The following BRCA1 variants were observed in gnomAD, a reference collection of about 807,000 sequenced individuals.
BRCA1 encodes BRCA1 DNA repair associated, also known as breast cancer type 1 susceptibility protein.
BRCA1 carries 140 observed loss-of-function variants against 173.7 expected under a neutral mutation model. The ratio of observed to expected loss-of-function variants is 0.81; its 90% CI spans 0.70 to 0.93. The LOEUF (loss-of-function observed/expected upper bound fraction) is 0.93, where lower values mean the gene tolerates loss of function less well. BRCA1 is among the 40% of genes least tolerant of loss of function. BRCA1 has a pLI of 0.00. For synonymous variants in BRCA1, 662 were observed against 756.0 expected (o/e 0.88, Z 2.04); for missense variants, 1,983 against 2,172.5 (o/e 0.91, Z 1.73).
chr17:43,163,086 T>C (rs564723173), intron 1 of BRCA1: 7 of 152,240 alleles, frequency 4.6e-5, no homozygotes, highest in Admixed American at 4.6e-4. Context: ...TTGGTAGTCA[T>C]TAAAGTTACC....
chr17:43,089,613 T>C (rs920361080), intron 11 of BRCA1, among the ~76,000 whole-genome samples: 1 of 151,052 alleles, frequency 6.6e-6, no homozygotes. Flanking sequence ...AGCAGCATGA[T>C]CTCAGCTCAC....
intron 1 of BRCA1, among the ~76,000 whole-genome samples, chr17:43,151,641 AC>A (rs2056162568): frequency 6.6e-6 from 1 of 152,078 alleles, no homozygotes; most frequent in South Asian, 2.1e-4. Context: ...TGTAATCCCA[AC>A]ATTTTGGGAG....
chr17:43,139,859 A>G (rs1205065103), intron 1 of BRCA1: 1 of 469,592 alleles, frequency 2.1e-6, no homozygotes, highest in South Asian at 1.5e-5. Context: ...TGTTCCTACA[A>G]AAGAGATGAT....
At position 43,057,078 on chromosome 17, in the gene BRCA1, G is replaced by A. The variant is rs80357123; in HGVS notation, c.5251C>T (p.Arg1751Ter). Residue 1751 changes from arginine (R) to a stop codon, truncating the protein, a stop_gained, in exon 19 of 23, where the codon CGA (arginine) becomes TGA (stop). Coordinates refer to ENST00000357654, the MANE Select transcript of BRCA1 (RefSeq NM_007294.4). LOFTEE classifies it high-confidence loss of function. ...TTTCTGTCCTGGGATTCTCTTGCTC[G>A]CTTTGGACCTTGGTGGTTTCTTCCA... is the stretch of plus-strand genomic sequence containing the variant. ...VNGRNHQGPK[R>*]ARESQDRKIF... The A allele has an allele frequency of 3.7e-6, 6 of 1,613,918 alleles. No homozygotes were observed. Among genetic ancestry groups the A allele is most frequent in the East Asian group, 2.2e-5 (1 of 44,888 alleles).
At chr17:43,079,428 A>G in intron 12 of BRCA1, 1 of 1,557,092 alleles carries the variant, frequency 6.4e-7, no homozygotes, top group Non-Finnish European at 8.8e-7. Context: ...TGTAGACATC[A>G]AGGGAACGGG....
intron 6 of BRCA1, among the ~76,000 whole-genome samples, chr17:43,103,292 C>A (rs2054571887): frequency 1.3e-5 from 2 of 151,796 alleles, no homozygotes; most frequent in South Asian, 4.2e-4. Context: ...TATGGTGAAA[C>A]CCCGACTCTA....
At chr17:43,130,076 AAC>A (rs1203251157), upstream of BRCA1, among the ~76,000 whole-genome samples, 1 of 152,252 alleles carries the variant, frequency 6.6e-6, no homozygotes, top group East Asian at 1.9e-4. Flanking sequence ...TCCTTAAAAT[AAC>A]AGTCTTAATT....
rs181739821 is a variant in BRCA1, at chr17:43,144,550, G to C, written c.-19-20435C>G. Among the ~76,000 whole-genome samples the C allele has an allele frequency of 2.2e-4, 33 of 152,340 alleles. 1 individual carries two copies. In the East Asian group the frequency reaches 6.4e-3, roughly 29 times the overall value. On this transcript the variant is annotated intron_variant, in intron 1 of 7. Coordinates refer to the BRCA1 transcript ENST00000634433. ...TAGACTGGGAAACAAGGCAGGGAAAGATGGCCCTGTGCTTCCTCTGCCTGC... is the reference window on the plus strand; with the variant it reads ...TAGACTGGGAAACAAGGCAGGGAAACATGGCCCTGTGCTTCCTCTGCCTGC...
intron 19 of BRCA1, among the ~76,000 whole-genome samples, chr17:43,056,472 C>G (rs1470817042): frequency 6.6e-6 from 1 of 152,174 alleles, no homozygotes; most frequent in Non-Finnish European, 1.5e-5. Context: ...AGCCGCTGTG[C>G]CTGGCCCAGT....
At chr17:43,066,820 T>A in intron 16 of BRCA1, among the ~76,000 whole-genome samples, 1 of 148,288 alleles carries the variant, frequency 6.7e-6, no homozygotes, top group Non-Finnish European at 1.5e-5. Flanking sequence ...ACCTTTTTTT[T>A]TTTTTTTTTT....
intron 9 of BRCA1, among the ~76,000 whole-genome samples, chr17:43,095,613 A>C (rs2054098708): frequency 6.6e-6 from 1 of 151,972 alleles, no homozygotes; most frequent in African/African-American, 2.4e-5. Flanking sequence ...CAAAAAAAAA[A>C]ACGAAAGGGC....
intron 12 of BRCA1, among the ~76,000 whole-genome samples, chr17:43,077,135 G>A (rs562927690): frequency 4.0e-5 from 6 of 151,714 alleles, no homozygotes; most frequent in Admixed American, 6.6e-5. Flanking sequence ...AGAAAAAACA[G>A]GTGACATTTT....
Position 43,091,408 on chromosome 17 carries a change from G to A in BRCA1, c.4096+27C>T, listed in dbSNP as rs966550945. 2.5e-6 allele frequency: 4 copies of A among 1,613,126 alleles called. No individual in the cohort carries two copies. Among genetic ancestry groups the A allele is most frequent in the Non-Finnish European group, 3.4e-6 (4 of 1,179,320 alleles). On this transcript the variant is annotated intron_variant, in intron 10 of 22. Coordinates refer to ENST00000357654, the MANE Select transcript of BRCA1 (RefSeq NM_007294.4). Reference sequence around the variant, plus strand: ...AGCTCACTTCTATAAATAGACTGGGGCAAACACAAAAACCTGGTTCCAATA... The same window carrying A: ...AGCTCACTTCTATAAATAGACTGGGACAAACACAAAAACCTGGTTCCAATA...
Position 43,047,702 on chromosome 17 carries a change from C to G in BRCA1, c.5408G>C (p.Gly1803Ala), listed in dbSNP as rs80357149. ...CTGCACAACCACAATTGGGTGGACACCCTGGATCCCCAGGAAGGAAAGAGC... is the reference window on the plus strand; with the variant it reads ...CTGCACAACCACAATTGGGTGGACAGCCTGGATCCCCAGGAAGGAAAGAGC... Reference protein sequence around the residue: ...KELSSFTLGTGVHPIVVVQPD... With the variant: ...KELSSFTLGTAVHPIVVVQPD... The change falls in exon 22 of 23, where the codon GGT (glycine) becomes GCT (alanine). Residue 1803 changes from glycine to alanine, a missense_variant and splice_region_variant. Gly to Ala is a moderately conservative substitution (Grantham distance 60, BLOSUM62 0). Coordinates refer to ENST00000357654, the MANE Select transcript of BRCA1 (RefSeq NM_007294.4). 1 of 1,614,158 alleles carries G rather than the reference C, an allele frequency of 6.2e-7. No homozygotes were observed. Among genetic ancestry groups the G allele is most frequent in the Non-Finnish European group, 8.5e-7 (1 of 1,180,028 alleles).
intron 20 of BRCA1, chr17:43,049,950 C>T (rs187084458): frequency 2.5e-6 from 1 of 397,242 alleles, no homozygotes; most frequent in East Asian, 3.6e-5. Context: ...TTCTGGCAAC[C>T]CTGGTTTCCA....
intron 1 of BRCA1, among the ~76,000 whole-genome samples, chr17:43,165,369 AAAC>A (rs2056259925): frequency 6.6e-6 from 1 of 152,192 alleles, no homozygotes; most frequent in Non-Finnish European, 1.5e-5. Flanking sequence ...TAAATCTTCA[AAAC>A]AATAATTATT....
intron 18 of BRCA1, among the ~76,000 whole-genome samples, chr17:43,059,574 C>T (rs2051659834): frequency 6.6e-6 from 1 of 152,162 alleles, no homozygotes; most frequent in Non-Finnish European, 1.5e-5. Flanking sequence ...TTTCCCACTC[C>T]CCCATATTCC....
At chr17:43,082,967 T>A (rs1186922984) in intron 11 of BRCA1, among the ~76,000 whole-genome samples, 1 of 152,182 alleles carries the variant, frequency 6.6e-6, no homozygotes, top group Non-Finnish European at 1.5e-5. Flanking sequence ...CTTGGTGTTG[T>A]GAGATTCATC....
At chr17:43,100,552 G>GAACA in intron 6 of BRCA1, among the ~76,000 whole-genome samples, 1 of 16,908 alleles carries the variant, frequency 5.9e-5, no homozygotes. Flanking sequence ...ATATGTGTGT[G>GAACA]TGTGTGTATA....
Sources: allele counts gnomAD v4.1 joint callset (sites outside exome capture counted in the v4.1 genomes callset), GRCh38; gene constraint gnomAD v4.1.1; transcripts MANE v1.5; gene names NCBI Gene and HGNC (gene_info 2026-07-23, HGNC 2026-07-21).